Variants in PCDHGB3 observed in about 807,000 individuals in gnomAD.
The protein encoded by PCDHGB3 is protocadherin gamma subfamily B, 3, also known as protocadherin gamma-B3.
In PCDHGB3, 40 loss-of-function variants were observed where a neutral mutation model predicts 59.2. The observed-to-expected ratio is 0.68, with a 90% CI of 0.52 to 0.88. The LOEUF (loss-of-function observed/expected upper bound fraction) is 0.88, where lower values mean the gene tolerates loss of function less well. PCDHGB3 is among the 40% of genes least tolerant of loss of function. PCDHGB3 has a pLI of 0.00. For missense variants in PCDHGB3, 1,309 were observed against 1,187.9 expected (o/e 1.10, Z -1.50); for synonymous variants, 581 against 503.6 (o/e 1.15, Z -2.06).
intron 1 of PCDHGB3, among the ~76,000 whole-genome samples, chr5:141,471,855 G>A (rs955016680): frequency 3.3e-5 from 5 of 152,108 alleles, no homozygotes; most frequent in Non-Finnish European, 7.4e-5. Context: ...TTCAGAAAAA[G>A]CAAAACTGTG....
intron 1 of PCDHGB3, among the ~76,000 whole-genome samples, chr5:141,454,261 A>T (rs183133499): frequency 1.3e-5 from 2 of 152,364 alleles, no homozygotes; most frequent in South Asian, 2.1e-4. Flanking sequence ...CAGAGAAAGT[A>T]ATGCCAGCAA....
intron 1 of PCDHGB3, chr5:141,384,315 C>G (rs1465826601): frequency 6.2e-7 from 1 of 1,613,878 alleles, no homozygotes; most frequent in Non-Finnish European, 8.5e-7. Flanking sequence ...CCTCCATTTT[C>G]TTAGTGACTG....
chr5:141,438,613 TATATATATATATATATATATATAC>T (rs1240061633), intron 1 of PCDHGB3, among the ~76,000 whole-genome samples: 627 of 36,484 alleles, frequency 0.017, 21 homozygotes, highest in African/African-American at 0.051. Flanking sequence ...TATATATATA[TATATATATATATATATATATATAC>T]ACACACACAC....
chr5:141,400,384 G>A (rs1335444355), intron 1 of PCDHGB3: 2 of 1,614,054 alleles, frequency 1.2e-6, no homozygotes, highest in South Asian at 1.1e-5. Flanking sequence ...CCTATGTGTT[G>A]CACATACAGG....
chr5:141,378,862 C>T (rs899917720), intron 1 of PCDHGB3: 2 of 152,096 alleles, frequency 1.3e-5, no homozygotes, highest in African/African-American at 4.8e-5. Flanking sequence ...CAATGATGTT[C>T]GAATAGAAAA....
chr5:141,376,685 T>G lies in PCDHGB3; in HGVS notation c.2415+3876T>G, dbSNP rs866718563. On this transcript the variant is annotated intron_variant, in intron 1 of 3. Coordinates refer to ENST00000576222, the MANE Select transcript of PCDHGB3 (RefSeq NM_018924.5). The stretch of plus-strand genomic sequence containing the variant: ...TTCAGGTGAGGGTATCGTTTTTTTT[T>G]TTTTTTTTTTTTGAGACGGAGTCTC... The G allele has an allele frequency of 7.7e-4, 627 of 813,788 alleles. 5 individuals carry two copies. In the African/African-American group the frequency reaches 9.6e-3, roughly 12 times the overall value. 50.4% of individuals were successfully genotyped at this position (813,788 alleles called of 1,614,324 possible).
At position 141,485,443 on chromosome 5, in the gene PCDHGB3, C is replaced by A. The variant is rs2099613637; in HGVS notation, c.2416-9364C>A. 5 of 1,614,054 alleles carry A rather than the reference C, an allele frequency of 3.1e-6. No individual in the cohort carries two copies. The East Asian group carries it at 6.7e-5, about 22-fold the overall frequency. ...GAGCCCTGCTCATCAAGAACCCAAT[C>A]GACCGAGAGGCACTGTGTGGGCTCA... On this transcript the variant is annotated intron_variant, in intron 1 of 3. Coordinates refer to ENST00000576222, the MANE Select transcript of PCDHGB3 (RefSeq NM_018924.5). This position sits in a 1 kb window ranked among gnomAD's most constrained non-coding sequence, Gnocchi z 5.7.
intron 1 of PCDHGB3, chr5:141,441,674 CT>C: frequency 3.4e-6 from 1 of 293,692 alleles, no homozygotes; most frequent in Non-Finnish European, 6.7e-6. Flanking sequence ...CACAGTGCGC[CT>C]TCGACCAAGA....
intron 1 of PCDHGB3, chr5:141,414,866 C>T: frequency 6.2e-7 from 1 of 1,614,230 alleles, no homozygotes; most frequent in Non-Finnish European, 8.5e-7. Flanking sequence ...GACAATGCGC[C>T]CGAGATCCTG....
intron 1 of PCDHGB3, chr5:141,390,085 A>C (rs1253804368): frequency 2.5e-6 from 4 of 1,613,916 alleles, no homozygotes. Flanking sequence ...GTTAAATCCG[A>C]ATCCGTGGTT....
intron 1 of PCDHGB3, chr5:141,417,646 C>G: frequency 1.3e-6 from 1 of 797,874 alleles, no homozygotes. Context: ...GATCCCTCAG[C>G]CTCTAGCCTG....
At chr5:141,464,418 T>C (rs1244881278) in intron 1 of PCDHGB3, among the ~76,000 whole-genome samples, 2 of 151,652 alleles carry the variant, frequency 1.3e-5, no homozygotes, top group Non-Finnish European at 2.9e-5. Flanking sequence ...TATATATCTA[T>C]ATATATAGAT....
intron 3 of PCDHGB3, among the ~76,000 whole-genome samples, chr5:141,509,766 G>A (rs1176830940): frequency 6.6e-6 from 1 of 152,104 alleles, no homozygotes; most frequent in Non-Finnish European, 1.5e-5. Flanking sequence ...TCCCTGAGAT[G>A]TCTAGTCCCC....
chr5:141,433,367 C>CTATA, intron 1 of PCDHGB3: 2 of 549,818 alleles, frequency 3.6e-6, no homozygotes, highest in South Asian at 4.5e-5. Flanking sequence ...GCCTATCTAT[C>CTATA]TATCTATCTA....
At chr5:141,419,246 GAAAACAACCAGCC>G (rs749331717) in intron 1 of PCDHGB3, 1 of 1,614,004 alleles carries the variant, frequency 6.2e-7, no homozygotes, top group South Asian at 1.1e-5. Flanking sequence ...CCACGTGCCA[GAAAACAACCAGCC>G]GGGTGCCTCC....
intron 1 of PCDHGB3, chr5:141,394,386 A>T (rs765454423): frequency 1.2e-6 from 2 of 1,614,210 alleles, no homozygotes; most frequent in South Asian, 1.1e-5. Context: ...CTATGAGCAG[A>T]TCCGAGACCT....
intron 1 of PCDHGB3, chr5:141,390,038 C>T: frequency 1.9e-6 from 3 of 1,614,060 alleles, no homozygotes; most frequent in Non-Finnish European, 2.5e-6. Flanking sequence ...GCTCCTCCAG[C>T]CCCGCCTCCT....
chr5:141,375,281 A>G (rs1157577123), intron 1 of PCDHGB3: 3 of 1,613,848 alleles, frequency 1.9e-6, no homozygotes, highest in Admixed American at 3.3e-5. Context: ...ATCAGTTGGC[A>G]ATTATTATCG....
chr5:141,399,691 C>T (rs2093867392), intron 1 of PCDHGB3: 1 of 1,613,362 alleles, frequency 6.2e-7, no homozygotes, highest in Admixed American at 1.7e-5. Flanking sequence ...CGAGCAGCTG[C>T]GCACCTTCGA....
Sources: allele counts gnomAD v4.1 joint callset (sites outside exome capture counted in the v4.1 genomes callset), GRCh38; gene constraint gnomAD v4.1.1; non-coding constraint Gnocchi (gnomAD v3.1); transcripts MANE v1.5; gene names NCBI Gene and HGNC (gene_info 2026-07-23, HGNC 2026-07-21).